PDE1C: variants seen among roughly 807,000 people sequenced by gnomAD.
The protein encoded by PDE1C is phosphodiesterase 1C, also known as dual specificity calcium/calmodulin-dependent 3',5'-cyclic nucleotide phosphodiesterase 1C.
A neutral mutation model predicts 93.1 loss-of-function variants in PDE1C; 62 were observed. The ratio of observed to expected loss-of-function variants is 0.67; its 90% CI spans 0.54 to 0.82. The LOEUF (loss-of-function observed/expected upper bound fraction) is 0.82, where lower values mean the gene tolerates loss of function less well. Among genes scored for constraint, PDE1C ranks in the 40% least tolerant of loss-of-function variants. The probability of loss-of-function intolerance (pLI) is 0.00; values close to 1 mark genes in which losing one functional copy is unlikely to be tolerated. For synonymous variants in PDE1C, 325 were observed against 310.1 expected (o/e 1.05, Z -0.50); for missense variants, 742 against 884.6 (o/e 0.84, Z 2.04).
intron 3 of PDE1C, among the ~76,000 whole-genome samples, chr7:32,119,727 G>A (rs1799190743): frequency 6.6e-6 from 1 of 152,172 alleles, no homozygotes; most frequent in Admixed American, 6.5e-5. Flanking sequence ...CCGGCGGTGA[G>A]TGAGCCTGCT....
chr7:32,323,875 C>A (rs1022150888), intron 1 of PDE1C, among the ~76,000 whole-genome samples: 5 of 152,158 alleles, frequency 3.3e-5, no homozygotes, highest in African/African-American at 1.2e-4. Flanking sequence ...CTCCAAGCAT[C>A]CTGTGCTGAA....
intron 1 of PDE1C, among the ~76,000 whole-genome samples, chr7:32,269,450 T>TTTTTGTTTTG (rs10633795): frequency 9.9e-5 from 15 of 151,536 alleles, no homozygotes; most frequent in South Asian, 2.1e-4. Context: ...TTTTTTGATG[T>TTTTTGTTTTG]TTTTGTTTTG....
chr7:32,207,638 C>T (rs1031057478), intron 2 of PDE1C, among the ~76,000 whole-genome samples: 2 of 151,780 alleles, frequency 1.3e-5, no homozygotes, highest in African/African-American at 4.8e-5. Context: ...TTCCCTGTAT[C>T]AGTCCAACCT....
intron 2 of PDE1C, among the ~76,000 whole-genome samples, chr7:31,918,385 G>A (rs947583064): frequency 2.6e-5 from 4 of 152,142 alleles, no homozygotes; most frequent in Admixed American, 6.5e-5. Context: ...TATATGTCAC[G>A]CATGTACCCT....
rs1792840655 is a variant in PDE1C at position 31,847,974 on chromosome 7, T to A, written c.974A>T (p.Asp325Val). 6.2e-7 allele frequency: 1 copy of A among 1,612,500 alleles called. No individual in the cohort carries two copies. Among genetic ancestry groups the A allele is most frequent in the Non-Finnish European group, 8.5e-7 (1 of 1,179,356 alleles). The change falls in exon 9 of 18, where the codon GAC (aspartate) becomes GTC (valine). Residue 325 changes from aspartate (D) to valine (V), a missense_variant. Physicochemically the swap from Asp to Val is radical, Grantham distance 152 (BLOSUM62 -3). Transcript: ENST00000396191. Reference sequence around the variant, plus strand: ...TCTCTTTTCTCATCCTTACCTCCAGTCATCCTTTGAGAGGTTAATCAAAAT... The same window carrying A: ...TCTCTTTTCTCATCCTTACCTCCAGACATCCTTTGAGAGGTTAATCAAAAT... ...MNILINLSKD[D>V]WREFRTLVIE...
At chr7:31,646,023 T>A in the PDE1C span, among the ~76,000 whole-genome samples, 1 of 152,162 alleles carries the variant, frequency 6.6e-6, no homozygotes, top group South Asian at 2.1e-4. Flanking sequence ...TAGAATTAGG[T>A]ACTCCAGTTT....
At chr7:32,096,820 A>AAGATAGATAGATAGATAGATAGAT (rs70989634) in intron 3 of PDE1C, among the ~76,000 whole-genome samples, 127 of 144,590 alleles carry the variant, frequency 8.8e-4, no homozygotes, top group East Asian at 2.1e-3. Flanking sequence ...AGGGGATAGA[A>AAGATAGATAGATAGATAGATAGAT]AGATAGATAG....
chr7:31,981,395 C>T (rs1308791857), intron 2 of PDE1C, among the ~76,000 whole-genome samples: 1 of 152,112 alleles, frequency 6.6e-6, no homozygotes, highest in Non-Finnish European at 1.5e-5. Context: ...CGATTTATAT[C>T]ACATCTTCAC....
At chr7:32,374,947 C>T (rs1351263549) in intron 1 of PDE1C, among the ~76,000 whole-genome samples, 2 of 152,154 alleles carry the variant, frequency 1.3e-5, no homozygotes, top group African/African-American at 2.4e-5. Flanking sequence ...GGTGGACAAG[C>T]ACCACCGAGT....
the PDE1C span, among the ~76,000 whole-genome samples, chr7:31,646,403 G>A: frequency 6.6e-6 from 1 of 152,118 alleles, no homozygotes; most frequent in Non-Finnish European, 1.5e-5. Context: ...CAGATTCGCA[G>A]GTAGAAGGAT....
intron 1 of PDE1C, among the ~76,000 whole-genome samples, chr7:32,339,050 AG>A (rs1783690913): frequency 2.0e-5 from 3 of 150,468 alleles, no homozygotes; most frequent in African/African-American, 4.9e-5. Flanking sequence ...ACACACACAA[AG>A]AGTATTAGTA....
chr7:31,798,467 A>G (rs1785584292), intron 16 of PDE1C, among the ~76,000 whole-genome samples: 1 of 151,704 alleles, frequency 6.6e-6, no homozygotes, highest in African/African-American at 2.4e-5. Context: ...ATTTCACTAA[A>G]AAGTCCTATG....
chr7:31,651,967 C>T, the PDE1C span: 715 of 1,602,512 alleles, frequency 4.5e-4, no homozygotes, highest in Non-Finnish European at 5.4e-4. Context: ...GCAAACGTTA[C>T]GTGAGGCCCT....
chr7:31,690,929 T>G, the PDE1C span, among the ~76,000 whole-genome samples: 1 of 152,242 alleles, frequency 6.6e-6, no homozygotes, highest in African/African-American at 2.4e-5. Flanking sequence ...ACTGGGCCCA[T>G]GACTCTGCCT....
intron 2 of PDE1C, among the ~76,000 whole-genome samples, chr7:31,966,911 T>C (rs927252980): frequency 2.2e-4 from 33 of 152,034 alleles, no homozygotes; most frequent in African/African-American, 5.1e-4. Flanking sequence ...TTGAAACCAA[T>C]GAGAACAAAG....
At chr7:32,221,517 C>T (rs1351798797) in intron 1 of PDE1C, among the ~76,000 whole-genome samples, 1 of 152,186 alleles carries the variant, frequency 6.6e-6, no homozygotes, top group Non-Finnish European at 1.5e-5. Context: ...TTTTCAGATG[C>T]TCTGGACCAG....
chr7:31,924,919 A>C (rs1803150667), intron 2 of PDE1C, among the ~76,000 whole-genome samples: 1 of 152,236 alleles, frequency 6.6e-6, no homozygotes, highest in Non-Finnish European at 1.5e-5. Context: ...TTCAGGTATC[A>C]ATGTATAATT....
chr7:32,179,402 A>G (rs1803235309), intron 2 of PDE1C, among the ~76,000 whole-genome samples: 2 of 152,024 alleles, frequency 1.3e-5, no homozygotes, highest in African/African-American at 4.8e-5. Flanking sequence ...CTGAGACTAC[A>G]GACGTCCGCC....
intron 2 of PDE1C, among the ~76,000 whole-genome samples, chr7:31,982,525 G>C (rs1388818750): frequency 1.3e-5 from 2 of 152,034 alleles, no homozygotes. Context: ...AATAGGGAAG[G>C]TTCTATGATT....
Sources: gnomAD v4.1 joint callset for allele counts (sites outside exome capture counted in the v4.1 genomes callset) on GRCh38, gnomAD v4.1.1 for gene constraint, MANE v1.5 for transcripts, NCBI Gene and HGNC (gene_info 2026-07-23, HGNC 2026-07-21) for gene names.